Variants in GAPVD1 observed in about 807,000 individuals in gnomAD.
The protein encoded by GAPVD1 is GTPase activating protein and VPS9 domains 1.
GAPVD1 carries 35 observed loss-of-function variants against 155.5 expected under a neutral mutation model. The ratio of observed to expected loss-of-function variants is 0.23; its 90% confidence interval spans 0.17 to 0.30. The LOEUF (loss-of-function observed/expected upper bound fraction) is 0.30, where lower values mean the gene tolerates loss of function less well. GAPVD1 is among the 10% of genes least tolerant of loss of function. GAPVD1 has a pLI of 1.00. For synonymous variants in GAPVD1, 636 were observed against 619.7 expected, an observed-to-expected ratio of 1.03 and a Z score of -0.39; for missense variants, 1,429 against 1,775.7, an observed-to-expected ratio of 0.80 and a Z score of 3.51.
At chr9:125,266,288 G>A (rs1833943327) in intron 1 of GAPVD1, among the ~76,000 whole-genome samples, 3 of 150,478 alleles carry the variant, frequency 2.0e-5, no homozygotes, top group East Asian at 1.9e-4. Flanking sequence ...CACTATGCCC[G>A]GCTAATTTTT....
At chr9:125,337,687 G>C (rs1015616231) in intron 17 of GAPVD1, 96 bp downstream of exon 17, 2 of 1,158,396 alleles carry the variant, frequency 1.7e-6, no homozygotes, top group African/African-American at 3.1e-5. Context: ...TAGGATTACA[G>C]ATAGAGAGTA....
intron 19 of GAPVD1, chr9:125,346,432 A>T (rs759732759): frequency 9.7e-5 from 23 of 236,010 alleles, no homozygotes; most frequent in Non-Finnish European, 1.9e-4. Context: ...TTCCTCCTTC[A>T]GCATAGAGAT....
intron 26 of GAPVD1, chr9:125,359,815 G>A (rs1304095827): frequency 1.6e-5 from 4 of 246,766 alleles, no homozygotes. Flanking sequence ...GAAGTGGGAG[G>A]CTGATAGCAC....
chr9:125,305,396 T>A (rs1385376187), intron 6 of GAPVD1, among the ~76,000 whole-genome samples: 3 of 142,560 alleles, frequency 2.1e-5, no homozygotes, highest in Non-Finnish European at 4.5e-5. Flanking sequence ...TTTTTTGAGA[T>A]GGAGTCTCGC....
rs1230777578 is a variant in GAPVD1, at chr9:125,341,218, G to A, written c.2919G>A (p.Arg973=). The part of the protein sequence containing the change: ...RKDSDDEKSD[R]NRPWWRKRFV... ...ATAGCGATGATGAGAAATCAGACAGGAACAGACCTTGGTGGAGAAAACGTT... is the reference window on the plus strand; with the variant it reads ...ATAGCGATGATGAGAAATCAGACAGAAACAGACCTTGGTGGAGAAAACGTT... Residue 973 remains arginine, a synonymous_variant, in exon 18 of 28, where the codon AGG becomes AGA. Coordinates refer to ENST00000297933, the MANE Select transcript of GAPVD1 (RefSeq NM_001282680.3). The A allele has an allele frequency of 1.9e-6, 3 of 1,606,198 alleles. 1 individual carries two copies. Among genetic ancestry groups the A allele is most frequent in the South Asian group, 2.2e-5 (2 of 90,522 alleles).
At chr9:125,279,764 C>CTTTTT (rs761676874) in intron 2 of GAPVD1, among the ~76,000 whole-genome samples, 1 of 141,476 alleles carries the variant, frequency 7.1e-6, no homozygotes, top group Non-Finnish European at 1.6e-5. Context: ...TATTCAGTGA[C>CTTTTT]TTTTTTTTTT....
intron 23 of GAPVD1, 147 bp downstream of exon 23, chr9:125,351,019 C>T: frequency 1.5e-6 from 1 of 655,714 alleles, no homozygotes; most frequent in Non-Finnish European, 2.6e-6. Context: ...TTAGTCTGTT[C>T]TCACGCTGCT....
chr9:125,334,729 G>T (rs746681015), intron 15 of GAPVD1, among the ~76,000 whole-genome samples: 5 of 151,530 alleles, frequency 3.3e-5, no homozygotes, highest in Non-Finnish European at 7.4e-5. Flanking sequence ...GTGAGACCTC[G>T]TCTCTACAAA....
At chr9:125,270,716 G>T (rs1047153989) in intron 2 of GAPVD1, among the ~76,000 whole-genome samples, 2 of 152,178 alleles carry the variant, frequency 1.3e-5, no homozygotes, top group African/African-American at 2.4e-5. Context: ...GGCTGAGGCG[G>T]GTGGATCACC....
chr9:125,360,722 A>G lies in GAPVD1; in HGVS notation c.4239A>G (p.Ile1413Met), dbSNP rs1850781208. Residue 1413 changes from isoleucine to methionine, a missense_variant, in exon 27 of 28, where the codon ATA (isoleucine) becomes ATG (methionine). By Grantham distance (10) the Ile-to-Met change is conservative. Transcript: ENST00000297933. The part of the protein sequence containing the change: ...DFVPVLVFVL[I>M]KANPPCLLST... ...TTCCTGTGTTGGTGTTTGTGTTGAT[A>G]AAGGTGGGCCCCTTACTACTATCAG... The G allele has an allele frequency of 6.2e-7, 1 of 1,612,038 alleles. No individual in the cohort carries two copies. Among genetic ancestry groups the G allele is most frequent in the Non-Finnish European group, 8.5e-7 (1 of 1,178,854 alleles).
rs149524203 is a variant in GAPVD1, at chr9:125,337,980, A to G, written c.2877+389A>G. Among the ~76,000 whole-genome samples, 1,452 of 152,276 alleles carry G rather than the reference A, an allele frequency of 9.5e-3. 27 individuals are homozygous for G. The highest frequency in any genetic ancestry group is 0.033 in the African/African-American group (1,377 of 41,552). ...TACCTCCGCCTCCCAGGTTCAAGCG[A>G]TTCCTCTGCCTCAGCCTCCTGAGTA... is the stretch of plus-strand genomic sequence containing the variant. On this transcript the variant is annotated intron_variant, in intron 17 of 27. Transcript: ENST00000297933.
At position 125,337,451 on chromosome 9, in the gene GAPVD1, A is replaced by G. The variant is rs763184266; in HGVS notation, c.2737A>G (p.Met913Val). 6.9e-5 allele frequency: 111 copies of G among 1,614,070 alleles called. No individual in the cohort carries two copies. Among genetic ancestry groups the G allele is most frequent in the Middle Eastern group, 3.3e-4 (2 of 6,084 alleles). Residue 913 changes from methionine to valine, a missense_variant, in exon 17 of 28, where the codon ATG (methionine) becomes GTG (valine). Physicochemically the swap from Met to Val is conservative, Grantham distance 21 (BLOSUM62 1). Coordinates refer to ENST00000297933, the MANE Select transcript of GAPVD1 (RefSeq NM_001282680.3). ...SDIVSSVRRP[M>V]SDPSWNRRPG... ...TATAGTATCTTCTGTCCGGAGACCC[A>G]TGAGTGACCCCAGCTGGAACCGGCG...
At chr9:125,350,030 T>C (rs931505808) in intron 21 of GAPVD1, among the ~76,000 whole-genome samples, 2 of 152,164 alleles carry the variant, frequency 1.3e-5, no homozygotes, top group Non-Finnish European at 2.9e-5. Flanking sequence ...GCACCCGTCA[T>C]GGAACTCAGT....
intron 2 of GAPVD1, among the ~76,000 whole-genome samples, chr9:125,281,271 G>C (rs1341183846): frequency 1.3e-5 from 2 of 152,030 alleles, no homozygotes; most frequent in East Asian, 1.9e-4. Flanking sequence ...TCAGATACTT[G>C]AATTTAGAAG....
chr9:125,264,901 A>G (rs191867936), intron 1 of GAPVD1, among the ~76,000 whole-genome samples: 60 of 151,970 alleles, frequency 3.9e-4, no homozygotes, highest in Non-Finnish European at 6.8e-4. Context: ...TATTTTTAGT[A>G]GAAACGGGGT....
rs1180090959 is a variant in GAPVD1, at chr9:125,346,819, A to T, written c.3047A>T (p.Asp1016Val). The change falls in exon 20 of 28, where the codon GAT (aspartate) becomes GTT (valine). Residue 1016 changes from aspartate to valine, a missense_variant and splice_region_variant. Coordinates refer to ENST00000297933, the MANE Select transcript of GAPVD1 (RefSeq NM_001282680.3). ...TCTCTCACTCTCCTTTCCCTTGCAGATGATCCCAGCCCTAGACTCAGTGCA... is the reference window on the plus strand; with the variant it reads ...TCTCTCACTCTCCTTTCCCTTGCAGTTGATCCCAGCCCTAGACTCAGTGCA... Reference protein sequence around the residue: ...LGPDRFSTLTDDPSPRLSAQA... With the variant: ...LGPDRFSTLTVDPSPRLSAQA... 6.2e-6 allele frequency: 10 copies of T among 1,613,520 alleles called. No individual in the cohort carries two copies. The highest frequency in any genetic ancestry group is 8.5e-6 in the Non-Finnish European group (10 of 1,179,402).
intron 6 of GAPVD1, among the ~76,000 whole-genome samples, chr9:125,306,118 CTA>C (rs1237852044): frequency 6.6e-6 from 1 of 152,016 alleles, no homozygotes; most frequent in Non-Finnish European, 1.5e-5. Flanking sequence ...CGTCTCATCT[CTA>C]GTCTTCATTC....
Position 125,363,891 on chromosome 9 carries a change from T to G in GAPVD1, c.*1145T>G, listed in dbSNP as rs1040712396. ...TATTTCCCTCTTCTGAAAAAAAGTC[T>G]GTGTTTTCATAGTTTGGTTTGCATT... On this transcript the variant is annotated 3_prime_UTR_variant, in exon 28 of 28. Transcript: ENST00000297933. The G allele has an allele frequency of 6.6e-6, 1 of 152,450 alleles. No individual in the cohort carries two copies. The highest frequency in any genetic ancestry group is 1.5e-5 in the Non-Finnish European group (1 of 68,044). The allele number at this position is 152,450 out of a possible 1,614,324, so 9.4% of individuals were successfully genotyped here.
intron 20 of GAPVD1, among the ~76,000 whole-genome samples, chr9:125,348,274 C>T (rs13291655): frequency 0.49 from 74,503 of 151,902 alleles, 18,461 homozygotes; most frequent in Middle Eastern, 0.58. Context: ...CCAGGCTGGT[C>T]TCTCCCTATA....
Sources: allele counts gnomAD v4.1 joint callset (sites outside exome capture counted in the v4.1 genomes callset), GRCh38; gene constraint gnomAD v4.1.1; transcripts MANE v1.5; gene names NCBI Gene and HGNC (gene_info 2026-07-23, HGNC 2026-07-21).